The following PCDHGB2 variants were observed in gnomAD, a reference collection of about 807,000 sequenced individuals.
PCDHGB2 encodes the protein protocadherin gamma subfamily B, 2.
PCDHGB2 carries 55 observed loss-of-function variants against 59.3 expected under a neutral mutation model. That is an observed-to-expected ratio of 0.93 (90% CI 0.75 to 1.16). PCDHGB2 has a LOEUF of 1.16. PCDHGB2 is among the 50% of genes most tolerant of loss of function. PCDHGB2 has a pLI of 0.00. For synonymous variants in PCDHGB2, 516 were observed against 512.0 expected (o/e 1.01, Z -0.11); for missense variants, 1,228 against 1,198.5 (o/e 1.02, Z -0.36).
intron 2 of PCDHGB2, among the ~76,000 whole-genome samples, chr5:141,504,490 TGC>T (rs2099838709): frequency 6.6e-6 from 1 of 152,056 alleles, no homozygotes; most frequent in Non-Finnish European, 1.5e-5. Flanking sequence ...TGGAGGCACC[TGC>T]CCAGTCTGAG....
In PCDHGB2 at chr5:141,431,827, TC is replaced by T. The variant is rs571306928; in HGVS notation, c.2422-62977del. 1.2e-3 allele frequency: 2,007 copies of T among 1,614,226 alleles called. No individual in the cohort carries two copies. The highest frequency in any genetic ancestry group is 1.5e-3 in the Non-Finnish European group (1,827 of 1,180,024). On this transcript the variant is annotated intron_variant, in intron 1 of 3. Coordinates refer to ENST00000522605, the MANE Select transcript of PCDHGB2 (RefSeq NM_018923.3). This position sits in a 1 kb window ranked among gnomAD's most constrained non-coding sequence, Gnocchi z 4.8. ...TCCTCACCTCTCTCGCCAGCTCGGT[TC>T]CCGAAAACTCTCCCAGAGGGACATT...
intron 1 of PCDHGB2, among the ~76,000 whole-genome samples, chr5:141,472,310 G>A (rs2099276586): frequency 6.6e-6 from 1 of 152,040 alleles, no homozygotes; most frequent in Non-Finnish European, 1.5e-5. Flanking sequence ...GGGAAGCCGA[G>A]GCAGGCAGAT....
chr5:141,372,536 C>T, intron 1 of PCDHGB2: 1 of 1,614,034 alleles, frequency 6.2e-7, no homozygotes, highest in East Asian at 2.2e-5. Flanking sequence ...TCTCCCTGCG[C>T]CTGCGATGCT....
intron 1 of PCDHGB2, chr5:141,387,785 G>A: frequency 6.8e-7 from 1 of 1,472,108 alleles, no homozygotes; most frequent in Non-Finnish European, 9.1e-7. Flanking sequence ...AACTGGAACT[G>A]CAACTAAAGT....
chr5:141,453,732 C>T (rs182118864), intron 1 of PCDHGB2, among the ~76,000 whole-genome samples: 9 of 152,332 alleles, frequency 5.9e-5, no homozygotes. Context: ...TTTGTTACTA[C>T]AGCTTAAATA....
At position 141,489,180 on chromosome 5, in the gene PCDHGB2, C is replaced by G. The variant is rs942218118; in HGVS notation, c.2422-5627C>G. On this transcript the variant is annotated intron_variant, in intron 1 of 3. Transcript: ENST00000522605. This position sits in a 1 kb window ranked among gnomAD's most constrained non-coding sequence, Gnocchi z 4.5. ...GACTTCAGCTGCTGCATTCCAAGCC[C>G]TGGGTCTACCTTGGAGACAGGACAG... The G allele has an allele frequency of 1.8e-5, 23 of 1,259,630 alleles. No homozygotes were observed. In the South Asian group the frequency reaches 3.0e-4, roughly 17 times the overall value. The allele number at this position is 1,259,630 out of a possible 1,614,324, so 78.0% of individuals were successfully genotyped here.
intron 1 of PCDHGB2, chr5:141,383,969 C>G (rs981868963): frequency 6.2e-7 from 1 of 1,613,732 alleles, no homozygotes; most frequent in Non-Finnish European, 8.5e-7. Context: ...AGCTCAATCC[C>G]TGAAGACACA....
At chr5:141,416,620 G>T (rs1395913352) in intron 1 of PCDHGB2, 1 of 152,142 alleles carries the variant, frequency 6.6e-6, no homozygotes, top group Non-Finnish European at 1.5e-5. Flanking sequence ...CATTTCTGCA[G>T]ATCAGAATAT....
intron 1 of PCDHGB2, among the ~76,000 whole-genome samples, chr5:141,479,060 T>G (rs980468382): frequency 5.9e-5 from 9 of 152,248 alleles, no homozygotes; most frequent in Non-Finnish European, 1.3e-4. Context: ...CAGATAATTT[T>G]TTATGAATGA....
intron 1 of PCDHGB2, chr5:141,415,388 G>C (rs752789407): frequency 6.2e-7 from 1 of 1,614,236 alleles, no homozygotes; most frequent in East Asian, 2.2e-5. Flanking sequence ...GGCTTGACAG[G>C]TGTGTCCGGC....
intron 1 of PCDHGB2, among the ~76,000 whole-genome samples, chr5:141,438,591 CATATAT>C (rs946798767): frequency 1.2e-3 from 91 of 75,538 alleles, no homozygotes; most frequent in Non-Finnish European, 1.7e-3. Flanking sequence ...TACATACATA[CATATAT>C]ATATATATAT....
chr5:141,398,017 A>AAACTGG (rs1270977201), intron 1 of PCDHGB2: 25 of 1,422,582 alleles, frequency 1.8e-5, no homozygotes, highest in Non-Finnish European at 2.2e-5. Context: ...ATCGTTTCCT[A>AAACTGG]AACTGGAACT....
intron 1 of PCDHGB2, chr5:141,418,113 T>C (rs1320881856): frequency 3.1e-6 from 5 of 1,613,912 alleles, no homozygotes; most frequent in Non-Finnish European, 3.4e-6. Context: ...GGGGACTTAC[T>C]TGTGAAGGAC....
chr5:141,390,210 G>T, intron 1 of PCDHGB2: 1 of 1,614,046 alleles, frequency 6.2e-7, no homozygotes, highest in Non-Finnish European at 8.5e-7. Context: ...TTCAGGACAA[G>T]ACATACTTTG....
intron 1 of PCDHGB2, chr5:141,413,167 C>G: frequency 6.3e-7 from 1 of 1,590,828 alleles, no homozygotes; most frequent in Non-Finnish European, 8.6e-7. Context: ...ATTCTGTAAC[C>G]AGACTACAAT....
chr5:141,433,906 A>G (rs1218318743), intron 1 of PCDHGB2, among the ~76,000 whole-genome samples: 1 of 151,412 alleles, frequency 6.6e-6, no homozygotes, highest in Non-Finnish European at 1.5e-5. Flanking sequence ...ATCACTTATT[A>G]CAATCACCTC....
intron 1 of PCDHGB2, chr5:141,404,247 T>C: frequency 6.2e-7 from 1 of 1,613,870 alleles, no homozygotes; most frequent in Non-Finnish European, 8.5e-7. Flanking sequence ...ACTCCGCCCC[T>C]GTCCACAGAA....
At chr5:141,388,290 A>T (rs1299323228) in intron 1 of PCDHGB2, 1 of 1,613,388 alleles carries the variant, frequency 6.2e-7, no homozygotes, top group Non-Finnish European at 8.5e-7. Flanking sequence ...ATTCACGCAA[A>T]ATTCCTTTGA....
chr5:141,432,374 C>A lies in PCDHGB2; in HGVS notation c.2422-62433C>A. 2.5e-6 allele frequency: 4 copies of A among 1,614,240 alleles called. No individual in the cohort carries two copies. Among genetic ancestry groups the A allele is most frequent in the Non-Finnish European group, 3.4e-6 (4 of 1,180,042 alleles). On this transcript the variant is annotated intron_variant, in intron 1 of 3. Coordinates refer to ENST00000522605, the MANE Select transcript of PCDHGB2 (RefSeq NM_018923.3). This position sits in a 1 kb window ranked among gnomAD's most constrained non-coding sequence, Gnocchi z 6.0. ...GAAAGTGATGGCGCGGGACAACGGG[C>A]ACCCGCCCCTCAGCAGCAACGTGTC...
Sources: allele counts gnomAD v4.1 joint callset (sites outside exome capture counted in the v4.1 genomes callset), GRCh38; gene constraint gnomAD v4.1.1; non-coding constraint Gnocchi (gnomAD v3.1); transcripts MANE v1.5; gene names NCBI Gene and HGNC (gene_info 2026-07-23, HGNC 2026-07-21).